Variants in AFG2A observed in about 807,000 individuals in gnomAD.
The protein encoded by AFG2A is AAA ATPase AFG2A.
At chr4:123,256,346 C>T in the AFG2A span, among the ~76,000 whole-genome samples, 2 of 152,148 alleles carry the variant, frequency 1.3e-5, no homozygotes, top group Admixed American at 6.5e-5. Flanking sequence ...TTGCACTTTA[C>T]GTGGCTTCTA....
the AFG2A span, chr4:123,028,222 A>C: frequency 1.2e-6 from 2 of 1,614,132 alleles, no homozygotes; most frequent in Non-Finnish European, 1.7e-6. Flanking sequence ...GGAAAGTATC[A>C]AACTGAAGTT....
At chr4:123,294,045 T>C in the AFG2A span, among the ~76,000 whole-genome samples, 1 of 152,182 alleles carries the variant, frequency 6.6e-6, no homozygotes. Context: ...CACCCGTGTC[T>C]CTTATCAGCA....
chr4:123,194,681 A>T, the AFG2A span, among the ~76,000 whole-genome samples: 14 of 152,082 alleles, frequency 9.2e-5, no homozygotes, highest in African/African-American at 3.4e-4. Context: ...CAGTTAACAG[A>T]TTTATTTATC....
At chr4:123,130,980 T>G in the AFG2A span, among the ~76,000 whole-genome samples, 1 of 152,166 alleles carries the variant, frequency 6.6e-6, no homozygotes, top group Non-Finnish European at 1.5e-5. Flanking sequence ...AGTATTATCT[T>G]ATTGTGGTTT....
chr4:123,189,334 G>C, the AFG2A span, among the ~76,000 whole-genome samples: 1 of 152,142 alleles, frequency 6.6e-6, no homozygotes. Context: ...TTTACCACAA[G>C]TGGAGACCTG....
the AFG2A span, among the ~76,000 whole-genome samples, chr4:122,985,502 T>G: frequency 6.6e-6 from 1 of 152,206 alleles, no homozygotes; most frequent in African/African-American, 2.4e-5. Context: ...CTTCCTGATT[T>G]AAGCTAGGAG....
At chr4:122,934,098 T>C in the AFG2A span, 1 of 1,588,040 alleles carries the variant, frequency 6.3e-7, no homozygotes, top group Non-Finnish European at 8.6e-7. Context: ...GTTTTCTAGA[T>C]GGCAAGATTG....
chr4:123,194,837 A>G, the AFG2A span, among the ~76,000 whole-genome samples: 1 of 152,216 alleles, frequency 6.6e-6, no homozygotes, highest in Non-Finnish European at 1.5e-5. Context: ...GTGTAGAAGT[A>G]GTAATAAAAA....
the AFG2A span, among the ~76,000 whole-genome samples, chr4:123,273,642 C>G: frequency 4.7e-4 from 71 of 152,204 alleles, no homozygotes; most frequent in Admixed American, 3.8e-3. Context: ...TTTTTGAGCA[C>G]GGGCATGATG....
chr4:123,264,189 G>A, the AFG2A span, among the ~76,000 whole-genome samples: 1 of 152,252 alleles, frequency 6.6e-6, no homozygotes, highest in East Asian at 1.9e-4. Flanking sequence ...GAATGATACA[G>A]TGGACTCTGG....
At chr4:123,252,308 A>G in the AFG2A span, among the ~76,000 whole-genome samples, 1 of 152,216 alleles carries the variant, frequency 6.6e-6, no homozygotes, top group Non-Finnish European at 1.5e-5. Context: ...AACTCTAAGT[A>G]TGAACATGGT....
At chr4:122,988,851 T>A in the AFG2A span, among the ~76,000 whole-genome samples, 1 of 152,216 alleles carries the variant, frequency 6.6e-6, no homozygotes, top group African/African-American at 2.4e-5. Context: ...CAAGATAATT[T>A]CAGAAGATCT....
the AFG2A span, among the ~76,000 whole-genome samples, chr4:123,134,676 AT>A: frequency 6.6e-6 from 1 of 151,874 alleles, no homozygotes; most frequent in African/African-American, 2.4e-5. Context: ...ACCTAGAAAA[AT>A]GGATAGAAAC....
chr4:123,111,235 T>G, the AFG2A span, among the ~76,000 whole-genome samples: 7 of 152,336 alleles, frequency 4.6e-5, no homozygotes, highest in African/African-American at 1.7e-4. Context: ...GAAAATTGAT[T>G]GTACAAATTG....
chr4:123,147,812 A>G, the AFG2A span, among the ~76,000 whole-genome samples: 5 of 152,212 alleles, frequency 3.3e-5, no homozygotes, highest in Non-Finnish European at 5.9e-5. Context: ...ATATTTTCCA[A>G]AAATCATTAA....
At chr4:123,022,188 G>T in the AFG2A span, among the ~76,000 whole-genome samples, 11 of 151,948 alleles carry the variant, frequency 7.2e-5, no homozygotes, top group East Asian at 2.1e-3. Flanking sequence ...TTGACAAATG[G>T]GATCTAATTA....
chr4:123,115,045 GAGAC>G, the AFG2A span, among the ~76,000 whole-genome samples: 1 of 152,198 alleles, frequency 6.6e-6, no homozygotes, highest in Non-Finnish European at 1.5e-5. Context: ...TGGGACACAG[GAGAC>G]TGTTGCCACT....
At chr4:122,983,386 G>A in the AFG2A span, among the ~76,000 whole-genome samples, 1 of 151,396 alleles carries the variant, frequency 6.6e-6, no homozygotes, top group African/African-American at 2.4e-5. Flanking sequence ...TTTCTTTGTT[G>A]TGTAAAATTA....
chr4:122,928,803 A>C, the AFG2A span, among the ~76,000 whole-genome samples: 1 of 152,176 alleles, frequency 6.6e-6, no homozygotes, highest in African/African-American at 2.4e-5. Context: ...CTTGATCTTT[A>C]GAAAAAGATG....
Sources: gnomAD v4.1 joint callset for allele counts (sites outside exome capture counted in the v4.1 genomes callset) on GRCh38, gnomAD v4.1.1 for gene constraint, MANE v1.5 for transcripts, NCBI Gene and HGNC (gene_info 2026-07-23, HGNC 2026-07-21) for gene names.